The following THOC2 variants were observed in gnomAD, a reference collection of about 807,000 sequenced individuals.
The protein encoded by THOC2 is THO complex subunit 2, also known as THO complex 2.
THOC2 carries 10 observed loss-of-function variants against 128.4 expected under a neutral mutation model. The ratio of observed to expected loss-of-function variants is 0.08; its 90% CI spans 0.05 to 0.13. THOC2 has a LOEUF of 0.13. Among genes scored for constraint, THOC2 ranks in the 10% least tolerant of loss-of-function variants. The pLI is 1.00. For synonymous variants in THOC2, 393 were observed against 396.9 expected, an observed-to-expected ratio of 0.99 and a Z score of 0.12; for missense variants, 535 against 1,155.7, an observed-to-expected ratio of 0.46 and a Z score of 7.79.
At chrX:123,619,999 C>T (rs1194784768) in intron 32 of THOC2, 1 of 109,603 alleles carries the variant, frequency 9.1e-6, no homozygotes, top group Non-Finnish European at 1.9e-5. Flanking sequence ...CTCACACCTC[C>T]CACACACAAA....
At chrX:123,620,034 AAAAG>A (rs2047029972) in intron 32 of THOC2, 1 of 111,606 alleles carries the variant, frequency 9.0e-6, no homozygotes, top group Non-Finnish European at 1.9e-5. Flanking sequence ...AAAAGAAAGA[AAAAG>A]AAATCAACTA....
intron 22 of THOC2, among the ~76,000 whole-genome samples, chrX:123,628,170 T>C (rs191734468): frequency 8.9e-6 from 1 of 111,852 alleles, no homozygotes; most frequent in East Asian, 2.8e-4. Flanking sequence ...CAGTCTTTAG[T>C]ACTGTGTGCC....
At position 123,719,000 on chromosome X, in the gene THOC2, C is replaced by T. The variant is rs750728027; in HGVS notation, c.72-6092G>A. The stretch of plus-strand genomic sequence containing the variant: ...ACCATCCTGGCTAACATGGTGAAAC[C>T]CTGTCTCTACTAAAAAAATTCGAAA... On this transcript the variant is annotated intron_variant, in intron 1 of 38. Transcript: ENST00000245838. 8.6e-4 allele frequency among the ~76,000 whole-genome samples: 94 copies of T among 109,075 alleles called. 2 individuals carry two copies. The highest frequency in any genetic ancestry group is 2.8e-3 in the African/African-American group (85 of 29,981). 94.7% of individuals were successfully genotyped at this position (109,075 alleles called of 115,157 possible).
At chrX:123,651,493 A>T (rs1208759409) in intron 12 of THOC2, among the ~76,000 whole-genome samples, 1 of 111,814 alleles carries the variant, frequency 8.9e-6, no homozygotes, top group African/African-American at 3.3e-5. Flanking sequence ...AACCCTTCAA[A>T]GTATCACGGA....
intron 16 of THOC2, among the ~76,000 whole-genome samples, chrX:123,640,137 A>C (rs2047852945): frequency 9.0e-6 from 1 of 111,720 alleles, no homozygotes; most frequent in Non-Finnish European, 1.9e-5. Flanking sequence ...CGGTGAGCCA[A>C]GATCGGGTCA....
chrX:123,688,108 G>A (rs767463165), intron 7 of THOC2, among the ~76,000 whole-genome samples: 2 of 112,108 alleles, frequency 1.8e-5, no homozygotes, highest in South Asian at 7.3e-4. Context: ...CCCAGCCTAG[G>A]TATTTACCCA....
chrX:123,697,335 C>T (rs774205724), intron 5 of THOC2, among the ~76,000 whole-genome samples: 176 of 112,371 alleles, frequency 1.6e-3, no homozygotes, highest in African/African-American at 5.5e-3. Flanking sequence ...TATTCTTTTA[C>T]TCTTTGCTTA....
At chrX:123,612,565 T>C (rs1295242218) in intron 36 of THOC2, among the ~76,000 whole-genome samples, 2 of 111,351 alleles carry the variant, frequency 1.8e-5, no homozygotes, top group African/African-American at 6.5e-5. Context: ...TATAGAGTTT[T>C]CTCTTGGAGG....
intron 1 of THOC2, among the ~76,000 whole-genome samples, chrX:123,721,891 C>T (rs2147984258): frequency 8.9e-6 from 1 of 112,172 alleles, no homozygotes; most frequent in Non-Finnish European, 1.9e-5. Flanking sequence ...CCAAATACAA[C>T]CACAGTATTT....
chrX:123,692,250 G>T (rs780872655), intron 7 of THOC2, among the ~76,000 whole-genome samples: 17 of 111,395 alleles, frequency 1.5e-4, no homozygotes, highest in Non-Finnish European at 3.2e-4. Flanking sequence ...TCTAAAAGAT[G>T]TTTTTTTGCC....
intron 4 of THOC2, among the ~76,000 whole-genome samples, chrX:123,698,799 TG>T (rs2050559015): frequency 9.5e-6 from 1 of 105,293 alleles, no homozygotes; most frequent in South Asian, 4.4e-4. Flanking sequence ...CACTTGAACC[TG>T]GGAGGCAGAA....
At chrX:123,616,404 C>G (rs375892875) in intron 33 of THOC2, among the ~76,000 whole-genome samples, 4 of 110,978 alleles carry the variant, frequency 3.6e-5, no homozygotes, top group African/African-American at 6.5e-5. Flanking sequence ...GGGTTTTGTT[C>G]TTGATTGGCT....
Position 123,601,351 on chromosome X carries a change from A to G in THOC2, c.*19-13T>C, listed in dbSNP as rs1458733765. 1.8e-5 allele frequency: 2 copies of G among 109,854 alleles called. No homozygotes were observed. The highest frequency in any genetic ancestry group is 2.0e-4 in the Admixed American group (2 of 10,178). The allele number at this position is 109,854 out of a possible 1,213,427, so 9.1% of individuals were successfully genotyped here. Reference sequence around the variant, plus strand: ...AGTCCGATCTCACCTGAAAGAAACAAAGTGATTATATTGATAGAGAAGAAG... The same window carrying G: ...AGTCCGATCTCACCTGAAAGAAACAGAGTGATTATATTGATAGAGAAGAAG... On this transcript the variant is annotated splice_polypyrimidine_tract_variant and intron_variant, in intron 38 of 38. Transcript: ENST00000245838.
At chrX:123,616,146 T>C (rs2046885062) in intron 33 of THOC2, among the ~76,000 whole-genome samples, 2 of 111,288 alleles carry the variant, frequency 1.8e-5, no homozygotes, top group African/African-American at 3.2e-5. Context: ...TCAACAGCAC[T>C]CAACCATCCC....
chrX:123,712,587 G>C, intron 2 of THOC2, among the ~76,000 whole-genome samples: 1 of 111,875 alleles, frequency 8.9e-6, no homozygotes, highest in Non-Finnish European at 1.9e-5. Context: ...AACAACTGCT[G>C]AAATTTAGCT....
Position 123,619,433 on chromosome X carries a change from T to C in THOC2, c.4279A>G (p.Ser1427Gly), listed in dbSNP as rs764409629. Residue 1427 changes from serine to glycine, a missense_variant, in exon 33 of 39, where the codon AGT becomes GGT. Transcript: ENST00000245838. ...SPSHSSTVKD[S>G]LIELKESSAK... ...GAAGATTCCTTGAGTTCGATGAGAC[T>C]GTCCTGTAGAAAATGAATGGAGATG... 1.0e-5 allele frequency: 12 copies of C among 1,205,502 alleles called. No homozygotes were observed. The highest frequency in any genetic ancestry group is 1.3e-5 in the Non-Finnish European group (12 of 891,103).
At position 123,695,975 on chromosome X, in the gene THOC2, T is replaced by C. The variant is rs780883628; in HGVS notation, c.601+46A>G. 1.3e-5 allele frequency: 12 copies of C among 910,743 alleles called. No individual in the cohort carries two copies. The South Asian group carries it at 3.2e-4, about 24-fold the overall frequency. 75.1% of individuals were successfully genotyped at this position (910,743 alleles called of 1,213,427 possible). The stretch of plus-strand genomic sequence containing the variant: ...TATGGATATTCTCCAATAGCTAAAA[T>C]AACTTGTTATCTTAACAACACATAC... On this transcript the variant is annotated intron_variant, in intron 7 of 38. Transcript: ENST00000245838.
chrX:123,657,441 CAAAT>C (rs1416260451), intron 12 of THOC2, among the ~76,000 whole-genome samples: 2 of 109,951 alleles, frequency 1.8e-5, no homozygotes, highest in Admixed American at 9.7e-5. Flanking sequence ...AATAAATAAA[CAAAT>C]AAATAAAACA....
intron 8 of THOC2, among the ~76,000 whole-genome samples, chrX:123,680,965 T>TTCTC (rs374368414): frequency 3.5e-4 from 37 of 105,086 alleles, no homozygotes; most frequent in East Asian, 2.4e-3. Context: ...CACACATGCA[T>TTCTC]TCTCTCTCTC....
Sources: allele counts gnomAD v4.1 joint callset (sites outside exome capture counted in the v4.1 genomes callset), GRCh38; gene constraint gnomAD v4.1.1; transcripts MANE v1.5; gene names NCBI Gene and HGNC (gene_info 2026-07-23, HGNC 2026-07-21).